Variants in SH3GL2 observed in about 807,000 individuals in gnomAD.
SH3GL2 encodes SH3 domain containing GRB2 like 2, endophilin A1.
A neutral mutation model predicts 46.0 loss-of-function variants in SH3GL2; 24 were observed. The ratio of observed to expected loss-of-function variants is 0.52; its 90% CI spans 0.38 to 0.73. The LOEUF (loss-of-function observed/expected upper bound fraction) is 0.73, where lower values mean the gene tolerates loss of function less well. Ranked by LOEUF, SH3GL2 falls within the 30% of genes least tolerant of loss-of-function variation. SH3GL2 has a pLI of 0.00. For synonymous variants in SH3GL2, 196 were observed against 147.1 expected (o/e 1.33, Z -2.40); for missense variants, 413 against 424.2 (o/e 0.97, Z 0.23).
At chr9:17,694,628 T>C (rs956915008) in intron 1 of SH3GL2, among the ~76,000 whole-genome samples, 4 of 152,120 alleles carry the variant, frequency 2.6e-5, no homozygotes, top group Non-Finnish European at 5.9e-5. Flanking sequence ...CAAGCAAATA[T>C]TTGAGAGTGT....
intron 1 of SH3GL2, among the ~76,000 whole-genome samples, chr9:17,609,872 A>T (rs1326140743): frequency 6.6e-6 from 1 of 152,170 alleles, no homozygotes; most frequent in Non-Finnish European, 1.5e-5. Flanking sequence ...CCACAGCAAG[A>T]CACACCACAC....
At chr9:17,679,540 G>T (rs558212311) in intron 1 of SH3GL2, among the ~76,000 whole-genome samples, 1 of 152,140 alleles carries the variant, frequency 6.6e-6, no homozygotes, top group Non-Finnish European at 1.5e-5. Flanking sequence ...TGAGGCGATG[G>T]GGTTTTCTAG....
At chr9:17,719,738 A>C (rs1821846150) in intron 1 of SH3GL2, among the ~76,000 whole-genome samples, 1 of 151,264 alleles carries the variant, frequency 6.6e-6, no homozygotes, top group East Asian at 2.0e-4. Context: ...AGCTGCAGTG[A>C]GCTATGATTG....
chr9:17,592,213 C>T lies in SH3GL2; in HGVS notation c.45+12926C>T, dbSNP rs561243837. ...AGGGCAGGAGAAGATGGAAGTCTTG[C>T]TTAAGAAAAGAGAGCAAATTTGCTT... On this transcript the variant is annotated intron_variant, in intron 1 of 8. Coordinates refer to ENST00000380607, the MANE Select transcript of SH3GL2 (RefSeq NM_003026.5). Among the ~76,000 whole-genome samples the T allele has an allele frequency of 1.1e-4, 17 of 152,256 alleles. No individual in the cohort carries two copies. In the South Asian group the frequency reaches 3.3e-3, roughly 30 times the overall value.
At chr9:17,748,405 A>C (rs915491071) in intron 2 of SH3GL2, among the ~76,000 whole-genome samples, 1 of 152,170 alleles carries the variant, frequency 6.6e-6, no homozygotes, top group Non-Finnish European at 1.5e-5. Context: ...GCAATTTTTT[A>C]ATATTCTGAT....
intron 1 of SH3GL2, among the ~76,000 whole-genome samples, chr9:17,613,861 T>A (rs558923218): frequency 6.6e-6 from 1 of 152,186 alleles, no homozygotes; most frequent in Non-Finnish European, 1.5e-5. Context: ...TCCCCTTCCC[T>A]CCTGGCTGAC....
At chr9:17,737,420 G>T (rs188962403) in intron 1 of SH3GL2, among the ~76,000 whole-genome samples, 1 of 152,140 alleles carries the variant, frequency 6.6e-6, no homozygotes, top group African/African-American at 2.4e-5. Context: ...ATATGAGGAT[G>T]TAGTTCCTAT....
At chr9:17,601,114 C>G (rs1363447802) in intron 1 of SH3GL2, among the ~76,000 whole-genome samples, 1 of 152,136 alleles carries the variant, frequency 6.6e-6, no homozygotes, top group Non-Finnish European at 1.5e-5. Flanking sequence ...GTTTCTACAG[C>G]TTTTTTGCAG....
intron 1 of SH3GL2, among the ~76,000 whole-genome samples, chr9:17,629,804 G>C (rs1819377444): frequency 6.6e-6 from 1 of 152,134 alleles, no homozygotes; most frequent in South Asian, 2.1e-4. Flanking sequence ...CCTGTGTCCA[G>C]GTGTCTCAGT....
At chr9:17,715,016 T>G (rs1306712985) in intron 1 of SH3GL2, among the ~76,000 whole-genome samples, 1 of 151,820 alleles carries the variant, frequency 6.6e-6, no homozygotes, top group Non-Finnish European at 1.5e-5. Flanking sequence ...TTGGTAGACA[T>G]GTTTTGTTCT....
chr9:17,590,124 T>C (rs1818452620), intron 1 of SH3GL2: 1 of 152,218 alleles, frequency 6.6e-6, no homozygotes, highest in African/African-American at 2.4e-5. Context: ...ACTTCTGTTA[T>C]TTTCTGCATA....
chr9:17,699,103 C>T (rs558363392), intron 1 of SH3GL2, among the ~76,000 whole-genome samples: 14 of 141,346 alleles, frequency 9.9e-5, no homozygotes, highest in African/African-American at 2.4e-4. Flanking sequence ...TGCAGTGAGC[C>T]GAGATCATGC....
At chr9:17,597,905 G>T (rs576791265) in intron 1 of SH3GL2, among the ~76,000 whole-genome samples, 1 of 152,074 alleles carries the variant, frequency 6.6e-6, no homozygotes, top group African/African-American at 2.4e-5. Context: ...GTAAGCATTC[G>T]CCCATTAACC....
At chr9:17,745,255 G>C (rs1040671570) in intron 1 of SH3GL2, among the ~76,000 whole-genome samples, 3 of 152,060 alleles carry the variant, frequency 2.0e-5, no homozygotes, top group Non-Finnish European at 2.9e-5. Flanking sequence ...ATCTACCTAA[G>C]ATTGTATTAT....
At chr9:17,614,693 A>G (rs1818946172) in intron 1 of SH3GL2, among the ~76,000 whole-genome samples, 1 of 152,134 alleles carries the variant, frequency 6.6e-6, no homozygotes, top group African/African-American at 2.4e-5. Context: ...TGCTTCACGA[A>G]TGGAGAAACT....
At chr9:17,627,954 C>T (rs1274398871) in intron 1 of SH3GL2, among the ~76,000 whole-genome samples, 1 of 152,216 alleles carries the variant, frequency 6.6e-6, no homozygotes, top group Admixed American at 6.5e-5. Context: ...GGGCTTCTTA[C>T]TTTTCTCCTG....
chr9:17,638,748 C>T (rs1164708687), intron 1 of SH3GL2, among the ~76,000 whole-genome samples: 1 of 152,198 alleles, frequency 6.6e-6, no homozygotes, highest in Non-Finnish European at 1.5e-5. Flanking sequence ...TGGGCCTCCC[C>T]TCAGCTAAGC....
At chr9:17,635,067 A>C (rs957877622) in intron 1 of SH3GL2, among the ~76,000 whole-genome samples, 6 of 152,166 alleles carry the variant, frequency 3.9e-5, no homozygotes, top group Admixed American at 6.5e-5. Context: ...TTTGTTGTAC[A>C]GATGATTTCA....
intron 1 of SH3GL2, among the ~76,000 whole-genome samples, chr9:17,693,311 C>G (rs1327572417): frequency 1.3e-5 from 2 of 152,060 alleles, no homozygotes; most frequent in African/African-American, 2.4e-5. Flanking sequence ...TTGAGCATTT[C>G]TTCTGCAACA....
Sources: gnomAD v4.1 joint callset for allele counts (sites outside exome capture counted in the v4.1 genomes callset) on GRCh38, gnomAD v4.1.1 for gene constraint, MANE v1.5 for transcripts, NCBI Gene and HGNC (gene_info 2026-07-23, HGNC 2026-07-21) for gene names.